The following ZNF782 variants were observed in gnomAD, a reference collection of about 807,000 sequenced individuals.
The protein encoded by ZNF782 is zinc finger protein 782.
A neutral mutation model predicts 13.0 loss-of-function variants in ZNF782; 12 were observed. The ratio of observed to expected loss-of-function variants is 0.92; its 90% CI spans 0.59 to 1.50. The LOEUF is 1.50. ZNF782 is among the 40% of genes most tolerant of loss of function. The pLI, the probability that ZNF782 is intolerant of heterozygous loss-of-function variation, is 0.00. For missense variants in ZNF782, 770 were observed against 822.9 expected (o/e 0.94, Z 0.79); for synonymous variants, 284 against 283.0 (o/e 1.00, Z -0.04).
the ZNF782 span, among the ~76,000 whole-genome samples, chr9:96,883,095 T>C: frequency 6.6e-6 from 1 of 152,054 alleles, no homozygotes; most frequent in Admixed American, 6.5e-5. Flanking sequence ...TTCTTTGCAT[T>C]GCCACATTAA....
At chr9:96,887,277 G>A in the ZNF782 span, 8 of 141,588 alleles carry the variant, frequency 5.7e-5, no homozygotes, top group East Asian at 1.2e-3. Context: ...AGACTCCATT[G>A]CAAAAAAGAA....
the ZNF782 span, among the ~76,000 whole-genome samples, chr9:96,882,041 A>G: frequency 6.6e-6 from 1 of 151,710 alleles, no homozygotes; most frequent in East Asian, 1.9e-4. Flanking sequence ...ATAACATATA[A>G]TCAGAAATCT....
rs1850164112 is a variant in ZNF782, at chr9:96,816,285, T to C, written c.*1638A>G. ...TATCAGATATTTTCTGTAAAAGGTT[T>C]GTTATTAATATTCATGTGGCAAATT... On this transcript the variant is annotated 3_prime_UTR_variant, in exon 6 of 6. Coordinates refer to ENST00000481138, the MANE Select transcript of ZNF782 (RefSeq NM_001001662.3). 6.6e-6 allele frequency among the ~76,000 whole-genome samples: 1 copy of C among 152,200 alleles called. No homozygotes were observed. The highest frequency in any genetic ancestry group is 1.5e-5 in the Non-Finnish European group (1 of 68,024).
At chr9:96,925,203 A>G in the ZNF782 span, among the ~76,000 whole-genome samples, 5,509 of 152,050 alleles carry the variant, frequency 0.036, 377 homozygotes, top group East Asian at 0.33. Context: ...AGGCTCCTAC[A>G]CAGGCGCGCG....
upstream of ZNF782, among the ~76,000 whole-genome samples, chr9:96,858,693 C>T (rs1472773313): frequency 1.3e-5 from 2 of 151,946 alleles, no homozygotes; most frequent in African/African-American, 2.4e-5. This position sits in a 1 kb window ranked among gnomAD's most constrained non-coding sequence, Gnocchi z 4.4. Flanking sequence ...GGCAGTGGCG[C>T]GAGGTTTTGT....
At chr9:96,829,620 C>A (rs923446978) in intron 4 of ZNF782, among the ~76,000 whole-genome samples, 2 of 152,010 alleles carry the variant, frequency 1.3e-5, no homozygotes, top group African/African-American at 2.4e-5. Context: ...CCAACATGAC[C>A]TCCATTTACA....
At chr9:96,904,744 A>AT in the ZNF782 span, among the ~76,000 whole-genome samples, 2 of 107,886 alleles carry the variant, frequency 1.9e-5, no homozygotes, top group Non-Finnish European at 3.2e-5. Context: ...ATTTGACATC[A>AT]TATCTAAGAA....
At chr9:96,861,907 G>C (rs369979700) in intron 1 of ZNF782, among the ~76,000 whole-genome samples, 3 of 152,150 alleles carry the variant, frequency 2.0e-5, no homozygotes, top group African/African-American at 7.2e-5. Context: ...TCCCACTGCT[G>C]GGTATATACC....
chr9:96,862,074 T>G (rs755592989), intron 1 of ZNF782, among the ~76,000 whole-genome samples: 11 of 152,236 alleles, frequency 7.2e-5, no homozygotes, highest in Non-Finnish European at 1.5e-4. Flanking sequence ...GTACTTACTA[T>G]TCAACCATAA....
chr9:96,887,305 G>GGAAGGAAGGAAA, the ZNF782 span: 1 of 125,726 alleles, frequency 8.0e-6, no homozygotes, highest in Non-Finnish European at 1.8e-5. Flanking sequence ...AAGGAAGGAA[G>GGAAGGAAGGAAA]GAAGGAAGGA....
Position 96,826,472 on chromosome 9 carries a change from C to T in ZNF782, c.244+608G>A, listed in dbSNP as rs1001663481. ...CTAGATGATGAGTTAGTGGGTGCAG[C>T]GCACCAGCATGGCACATGTATACAT... On this transcript the variant is annotated intron_variant, in intron 5 of 5. Transcript: ENST00000481138. Among the ~76,000 whole-genome samples, 11 of 152,218 alleles carry T rather than the reference C, an allele frequency of 7.2e-5. No homozygotes were observed. In the East Asian group the frequency reaches 7.7e-4, roughly 11 times the overall value.
upstream of ZNF782, among the ~76,000 whole-genome samples, chr9:96,879,548 A>C (rs1245551324): frequency 4.6e-5 from 7 of 152,182 alleles, no homozygotes; most frequent in Non-Finnish European, 1.0e-4. Context: ...AAGGCATCTA[A>C]TAAAAGGGAC....
At position 96,851,976 on chromosome 9, in the gene ZNF782, G is replaced by A; in HGVS notation, c.-15C>T. 1 of 1,613,756 alleles carries A rather than the reference G, an allele frequency of 6.2e-7. No homozygotes were observed. Among genetic ancestry groups the A allele is most frequent in the Non-Finnish European group, 8.5e-7 (1 of 1,179,684 alleles). ...AATGTGTTCATTTTCTGTGGCTCTT[G>A]GGAGAGTATAGAGAACTGTAAAGCC... On this transcript the variant is annotated 5_prime_UTR_variant, in exon 3 of 6. Transcript: ENST00000481138.
rs753098401 is a variant in ZNF782 at position 96,819,002 on chromosome 9, G to T, written c.1021C>A (p.His341Asn). 1.2e-6 allele frequency: 2 copies of T among 1,614,166 alleles called. No homozygotes were observed. Among genetic ancestry groups the T allele is most frequent in the East Asian group, 2.2e-5 (1 of 44,890 alleles). Residue 341 changes from histidine (H) to asparagine (N), a missense_variant, in exon 6 of 6, where the codon CAC becomes AAC. Coordinates refer to ENST00000481138, the MANE Select transcript of ZNF782 (RefSeq NM_001001662.3). The part of the protein sequence containing the change: ...THATDKYSDY[H>N]PCTETFSYQS... Reference sequence around the variant, plus strand: ...TAGCTGAATGTCTCTGTACATGGGTGATAATCAGAGTATTTATCTGTTGCA... The same window carrying T: ...TAGCTGAATGTCTCTGTACATGGGTTATAATCAGAGTATTTATCTGTTGCA...
the ZNF782 span, among the ~76,000 whole-genome samples, chr9:96,906,187 T>C: frequency 3.3e-5 from 5 of 152,200 alleles, no homozygotes; most frequent in Non-Finnish European, 5.9e-5. Context: ...AAATAACATA[T>C]ACTACTAATA....
chr9:96,820,534 T>C (rs113800013), intron 5 of ZNF782, among the ~76,000 whole-genome samples: 4 of 151,362 alleles, frequency 2.6e-5, no homozygotes, highest in African/African-American at 7.3e-5. Context: ...GGTTGTTCAA[T>C]AGTGAATCTT....
rs984560641 is a variant in ZNF782, at chr9:96,817,399, G to A, written c.*524C>T. 6.5e-6 allele frequency: 1 copy of A among 152,674 alleles called. No homozygotes were observed. The highest frequency in any genetic ancestry group is 1.5e-5 in the Non-Finnish European group (1 of 68,420). The allele number at this position is 152,674 out of a possible 1,614,324, so 9.5% of individuals were successfully genotyped here. Reference sequence around the variant, plus strand: ...GGTTAAAATGAGGGTTGACATGGCAGAAGAATTTCCCACATCCATTAACTT... The same window carrying A: ...GGTTAAAATGAGGGTTGACATGGCAAAAGAATTTCCCACATCCATTAACTT... On this transcript the variant is annotated 3_prime_UTR_variant, in exon 6 of 6. Coordinates refer to ENST00000481138, the MANE Select transcript of ZNF782 (RefSeq NM_001001662.3).
At chr9:96,874,053 T>G (rs974867585) in intron 1 of ZNF782, among the ~76,000 whole-genome samples, 12 of 152,206 alleles carry the variant, frequency 7.9e-5, no homozygotes, top group African/African-American at 2.7e-4. Flanking sequence ...CAGTGAAATT[T>G]TTAACTCTGG....
intron 3 of ZNF782, among the ~76,000 whole-genome samples, chr9:96,859,892 G>C (rs1425808530): frequency 3.3e-5 from 5 of 152,192 alleles, no homozygotes; most frequent in African/African-American, 1.2e-4. Context: ...GGAGCCCACT[G>C]TCCTGAAGAG....
Sources: gnomAD v4.1 joint callset for allele counts (sites outside exome capture counted in the v4.1 genomes callset) on GRCh38, gnomAD v4.1.1 for gene constraint, Gnocchi (gnomAD v3.1) non-coding constraint, MANE v1.5 for transcripts, NCBI Gene and HGNC (gene_info 2026-07-23, HGNC 2026-07-21) for gene names.